The following HS6ST3 variants were observed in gnomAD, a reference collection of about 807,000 sequenced individuals.
The protein encoded by HS6ST3 is heparan-sulfate 6-O-sulfotransferase 3.
In HS6ST3, 12 loss-of-function variants were observed where a neutral mutation model predicts 36.7. The observed-to-expected ratio is 0.33, with a 90% CI of 0.21 to 0.53. HS6ST3 has a LOEUF of 0.53. Among genes scored for constraint, HS6ST3 ranks in the 20% least tolerant of loss-of-function variants. HS6ST3 has a pLI of 0.95. For missense variants in HS6ST3, 584 were observed against 640.9 expected (o/e 0.91, Z 0.96); for synonymous variants, 240 against 257.5 (o/e 0.93, Z 0.65).
At chr13:96,467,604 A>T (rs1373078134) in intron 1 of HS6ST3, among the ~76,000 whole-genome samples, 2 of 152,164 alleles carry the variant, frequency 1.3e-5, no homozygotes, top group African/African-American at 4.8e-5. Flanking sequence ...CTATAATCTA[A>T]AGGAACAGAT....
intron 1 of HS6ST3, among the ~76,000 whole-genome samples, chr13:96,329,837 C>T (rs1012594819): frequency 8.2e-6 from 1 of 122,418 alleles, no homozygotes; most frequent in South Asian, 3.1e-4. Context: ...GTAGGTCACT[C>T]AGGACTTGCT....
At chr13:96,218,698 C>T (rs1011255208) in intron 1 of HS6ST3, among the ~76,000 whole-genome samples, 6 of 152,078 alleles carry the variant, frequency 3.9e-5, no homozygotes, top group Non-Finnish European at 7.4e-5. Flanking sequence ...GTTTAGACAG[C>T]GTCAGAGCAC....
At chr13:96,241,684 G>T (rs2054560927) in intron 1 of HS6ST3, among the ~76,000 whole-genome samples, 1 of 149,772 alleles carries the variant, frequency 6.7e-6, no homozygotes, top group African/African-American at 2.5e-5. Flanking sequence ...AGACTTTCAA[G>T]CATAAAATAT....
intron 1 of HS6ST3, among the ~76,000 whole-genome samples, chr13:96,112,578 A>AATATACATATATATATAT (rs397773858): frequency 0.039 from 3,147 of 81,074 alleles, 1,051 homozygotes; most frequent in Non-Finnish European, 0.053. Context: ...AAAATAAATA[A>AATATACATATATATATAT]ATATATATAT....
intron 1 of HS6ST3, among the ~76,000 whole-genome samples, chr13:96,592,148 C>T (rs1352291572): frequency 6.6e-6 from 1 of 152,070 alleles, no homozygotes. Flanking sequence ...AGGATAATGG[C>T]CTATAGTTTT....
At chr13:96,738,200 T>C (rs1333481104) in intron 1 of HS6ST3, among the ~76,000 whole-genome samples, 2 of 152,226 alleles carry the variant, frequency 1.3e-5, no homozygotes, top group East Asian at 1.9e-4. Flanking sequence ...TGTGGATCAA[T>C]AGGCATTCTC....
rs912491211 is a variant in HS6ST3, at chr13:96,836,228, A to G, written c.*3030A>G. ...GAAAAAAACAATCCCCAGGGGTTCT[A>G]TGACCCTATTGACTCCTACAGTTCT... On this transcript the variant is annotated 3_prime_UTR_variant, in exon 2 of 2. Coordinates refer to ENST00000376705, the MANE Select transcript of HS6ST3 (RefSeq NM_153456.4). The G allele has an allele frequency of 3.3e-5, 5 of 152,224 alleles. No homozygotes were observed. The highest frequency in any genetic ancestry group is 7.2e-5 in the African/African-American group (3 of 41,458). The allele number at this position is 152,224 out of a possible 1,614,324, so 9.4% of individuals were successfully genotyped here.
At chr13:96,315,074 G>A (rs922634685) in intron 1 of HS6ST3, among the ~76,000 whole-genome samples, 1 of 152,090 alleles carries the variant, frequency 6.6e-6, no homozygotes, top group Non-Finnish European at 1.5e-5. Flanking sequence ...AAAAAATAAA[G>A]TACAATTGTT....
At position 96,090,480 on chromosome 13, in the gene HS6ST3, G is replaced by GGTCCAGGACCCGAACCCCGCTCCCCA. The variant is rs1379544042; in HGVS notation, c.-381_-356dup. The stretch of plus-strand genomic sequence containing the variant: ...CCCGGCTGCCCGGCTGCGCGCGGCA[G>GGTCCAGGACCCGAACCCCGCTCCCCA]GTCCAGGACCCGAACCCCGCTCCCC... On this transcript the variant is annotated 5_prime_UTR_variant, in exon 1 of 2. An upstream open reading frame in the 5' UTR loses its in-frame stop. Transcript: ENST00000376705. 6.8e-6 allele frequency among the ~76,000 whole-genome samples: 1 copy of GGTCCAGGACCCGAACCCCGCTCCCCA among 146,514 alleles called. No homozygotes were observed. The highest frequency in any genetic ancestry group is 1.5e-5 in the Non-Finnish European group (1 of 65,834).
At chr13:96,363,004 G>T (rs2055245880) in intron 1 of HS6ST3, among the ~76,000 whole-genome samples, 1 of 152,108 alleles carries the variant, frequency 6.6e-6, no homozygotes, top group South Asian at 2.1e-4. Context: ...GGTTGGCATG[G>T]GTTAGGGATG....
At chr13:96,320,071 A>G (rs1215822102) in intron 1 of HS6ST3, among the ~76,000 whole-genome samples, 3 of 152,306 alleles carry the variant, frequency 2.0e-5, no homozygotes, top group East Asian at 1.9e-4. Context: ...GGAAAAGGGA[A>G]GATGAAAAAC....
At chr13:96,448,709 T>C (rs1475521554) in intron 1 of HS6ST3, among the ~76,000 whole-genome samples, 2 of 152,036 alleles carry the variant, frequency 1.3e-5, no homozygotes, top group South Asian at 2.1e-4. Context: ...CCAGAGGGCC[T>C]CCCCTGGGGA....
At chr13:96,109,249 A>G (rs664464) in intron 1 of HS6ST3, among the ~76,000 whole-genome samples, 127,026 of 152,080 alleles carry the variant, frequency 0.84, 53,294 homozygotes, top group East Asian at 0.92. Flanking sequence ...CAGAGAATAG[A>G]GTCTGACTAT....
At chr13:96,562,077 A>T (rs190252982) in intron 1 of HS6ST3, among the ~76,000 whole-genome samples, 39 of 152,322 alleles carry the variant, frequency 2.6e-4, no homozygotes, top group Non-Finnish European at 4.9e-4. Context: ...CATATGCATG[A>T]GTATGTTCAT....
intron 1 of HS6ST3, among the ~76,000 whole-genome samples, chr13:96,281,081 A>T (rs1057484247): frequency 1.3e-5 from 2 of 152,054 alleles, no homozygotes; most frequent in Non-Finnish European, 2.9e-5. Context: ...ATCTCGGCTC[A>T]CTGCAACCTC....
intron 1 of HS6ST3, among the ~76,000 whole-genome samples, chr13:96,203,861 T>C (rs1472760389): frequency 6.6e-6 from 1 of 152,154 alleles, no homozygotes; most frequent in Non-Finnish European, 1.5e-5. Context: ...ATAAAAGAAA[T>C]GAAATGTCAG....
intron 1 of HS6ST3, among the ~76,000 whole-genome samples, chr13:96,537,040 G>T (rs970501815): frequency 2.0e-5 from 3 of 152,156 alleles, no homozygotes; most frequent in Non-Finnish European, 4.4e-5. Context: ...CTTCTCTCTT[G>T]CTTCCTGTAT....
At chr13:96,784,712 A>ATTGGGT (rs1877603274) in intron 1 of HS6ST3, among the ~76,000 whole-genome samples, 1 of 152,170 alleles carries the variant, frequency 6.6e-6, no homozygotes, top group Admixed American at 6.5e-5. Context: ...ATATCAACTC[A>ATTGGGT]CTGTATTAGT....
At chr13:96,808,829 A>G (rs770592845) in intron 1 of HS6ST3, among the ~76,000 whole-genome samples, 4 of 152,182 alleles carry the variant, frequency 2.6e-5, no homozygotes. Context: ...ACAGGAGGCT[A>G]TTACTGGTTT....
Sources: gnomAD v4.1 joint callset for allele counts (sites outside exome capture counted in the v4.1 genomes callset) on GRCh38, gnomAD v4.1.1 for gene constraint, MANE v1.5 for transcripts, NCBI Gene and HGNC (gene_info 2026-07-23, HGNC 2026-07-21) for gene names.